HDAC9: variants seen among roughly 807,000 people sequenced by gnomAD.
HDAC9 encodes histone deacetylase 9, also known as MEF-2 interacting transcription repressor (MITR) protein.
A neutral mutation model predicts 139.4 loss-of-function variants in HDAC9; 41 were observed. That is an observed-to-expected ratio of 0.29 (90% CI 0.23 to 0.38). The LOEUF is 0.38. HDAC9 is among the 10% of genes least tolerant of loss of function. The pLI is 1.00. For synonymous variants in HDAC9, 517 were observed against 476.2 expected (o/e 1.09, Z -1.12); for missense variants, 1,147 against 1,297.0 (o/e 0.88, Z 1.78).
intron 15 of HDAC9, among the ~76,000 whole-genome samples, chr7:18,763,521 C>G (rs1789569081): frequency 6.6e-6 from 1 of 152,082 alleles, no homozygotes; most frequent in Non-Finnish European, 1.5e-5. Flanking sequence ...AATATGAATA[C>G]AAATAAATCA....
At chr7:18,268,029 C>T (rs1796109039) in intron 2 of HDAC9, among the ~76,000 whole-genome samples, 1 of 152,104 alleles carries the variant, frequency 6.6e-6, no homozygotes, top group South Asian at 2.1e-4. Context: ...TTAACACAAT[C>T]TTAATTGATG....
At chr7:18,686,307 C>T (rs1297484909) in intron 12 of HDAC9, among the ~76,000 whole-genome samples, 2 of 151,994 alleles carry the variant, frequency 1.3e-5, no homozygotes, top group African/African-American at 2.4e-5. Flanking sequence ...AATGTTCCAG[C>T]ACTTGTAGAA....
chr7:18,797,429 C>A (rs1280957305), intron 17 of HDAC9, among the ~76,000 whole-genome samples: 2 of 152,150 alleles, frequency 1.3e-5, no homozygotes, highest in African/African-American at 4.8e-5. Flanking sequence ...CCCACGAACT[C>A]CTCATCCAAT....
chr7:18,648,372 T>G, intron 10 of HDAC9, 94 bp from the exon 11 acceptor site: 2 of 1,073,194 alleles, frequency 1.9e-6, no homozygotes, highest in Non-Finnish European at 2.8e-6. Flanking sequence ...TCTGTTTTCT[T>G]TGGCTTCTTA....
At chr7:18,771,091 C>T (rs1181993788) in intron 16 of HDAC9, among the ~76,000 whole-genome samples, 1 of 152,042 alleles carries the variant, frequency 6.6e-6, no homozygotes, top group Non-Finnish European at 1.5e-5. Context: ...GGAGAACAAT[C>T]CCCTAAGAGG....
chr7:18,407,375 A>T (rs1161865257), intron 1 of HDAC9, among the ~76,000 whole-genome samples: 5 of 152,216 alleles, frequency 3.3e-5, no homozygotes, highest in African/African-American at 1.2e-4. Flanking sequence ...TTGCACATTA[A>T]AATCTTGTCT....
chr7:18,515,165 T>A (rs1313796751), intron 2 of HDAC9, among the ~76,000 whole-genome samples: 1 of 152,218 alleles, frequency 6.6e-6, no homozygotes, highest in Non-Finnish European at 1.5e-5. Context: ...TATGGTGATA[T>A]TTAAATGATG....
At chr7:18,248,891 A>G (rs1794736841) in intron 2 of HDAC9, among the ~76,000 whole-genome samples, 1 of 152,264 alleles carries the variant, frequency 6.6e-6, no homozygotes, top group Non-Finnish European at 1.5e-5. Context: ...CAAAAAATAT[A>G]TAAAGACAGT....
In HDAC9 at chr7:18,353,544, C is replaced by A. The variant is rs557373575; in HGVS notation, c.-42+63029C>A. ...ATGCCGATTCTTGCTGCTGAGTGAT[C>A]CTGAAGCTACTGTGGCAACCTTTTT... On this transcript the variant is annotated intron_variant, in intron 1 of 3. Coordinates refer to the HDAC9 transcript ENST00000413509. 6.6e-5 allele frequency among the ~76,000 whole-genome samples: 10 copies of A among 152,248 alleles called. No individual in the cohort carries two copies. In the East Asian group the frequency reaches 9.7e-4, roughly 15 times the overall value.
chr7:18,844,265 G>A (rs1585140158), intron 21 of HDAC9, among the ~76,000 whole-genome samples: 2 of 152,290 alleles, frequency 1.3e-5, no homozygotes, highest in Admixed American at 1.3e-4. Flanking sequence ...CTGTCGTAAA[G>A]CCATAGGGAG....
At chr7:18,993,119 T>G (rs1786127235) in intron 25 of HDAC9, among the ~76,000 whole-genome samples, 1 of 45,946 alleles carries the variant, frequency 2.2e-5, no homozygotes, top group Non-Finnish European at 4.9e-5. Context: ...AGAAATCATC[T>G]TTTTTAAAAA....
At chr7:18,542,758 G>GCT (rs2128624085) in intron 2 of HDAC9, among the ~76,000 whole-genome samples, 1 of 152,224 alleles carries the variant, frequency 6.6e-6, no homozygotes, top group East Asian at 1.9e-4. Flanking sequence ...CTTTCTGGAG[G>GCT]ATCAGTTACC....
intron 21 of HDAC9, among the ~76,000 whole-genome samples, chr7:18,840,133 G>T (rs539919653): frequency 6.6e-6 from 1 of 152,120 alleles, no homozygotes; most frequent in East Asian, 1.9e-4. Flanking sequence ...AGAAATATAA[G>T]CCCCTTCAAT....
At chr7:18,089,917 G>GT (rs34970204) in intron 1 of HDAC9, among the ~76,000 whole-genome samples, 8 of 139,790 alleles carry the variant, frequency 5.7e-5, no homozygotes, top group African/African-American at 7.4e-5. Flanking sequence ...TGCTTCATTG[G>GT]TTTTTTTTTG....
intron 12 of HDAC9, among the ~76,000 whole-genome samples, chr7:18,719,006 A>G (rs1217536792): frequency 1.3e-5 from 2 of 152,184 alleles, no homozygotes; most frequent in East Asian, 1.9e-4. Flanking sequence ...TTGATTTACA[A>G]ATCCCTGATA....
At chr7:18,493,563 A>G (rs1230256190), upstream of HDAC9, among the ~76,000 whole-genome samples, 1 of 151,870 alleles carries the variant, frequency 6.6e-6, no homozygotes, top group Admixed American at 6.6e-5. Flanking sequence ...AATTTCAATG[A>G]TTGTTTTTCT....
chr7:18,733,044 C>T (rs1786472791), intron 13 of HDAC9, among the ~76,000 whole-genome samples: 2 of 141,638 alleles, frequency 1.4e-5, no homozygotes, highest in African/African-American at 5.2e-5. Context: ...TACAGATATA[C>T]ATATATACAT....
intron 12 of HDAC9, 185 bp downstream of exon 12, chr7:18,666,661 A>G (rs1459099016): frequency 1.4e-6 from 2 of 1,402,390 alleles, no homozygotes; most frequent in African/African-American, 1.4e-5. Flanking sequence ...AGGTCTTTCT[A>G]TATACTGATC....
chr7:18,364,384 G>T lies in HDAC9; in HGVS notation c.-42+73869G>T, dbSNP rs1421894097. Among the ~76,000 whole-genome samples, 4 of 152,096 alleles carry T rather than the reference G, an allele frequency of 2.6e-5. No homozygotes were observed. In the East Asian group the frequency reaches 5.8e-4, roughly 22 times the overall value. ...AATGCTCAAAATAGTACTATTACTT[G>T]TATTAACATTAGAAATAAACATTTA... On this transcript the variant is annotated intron_variant, in intron 1 of 3. Transcript: ENST00000413509.
Sources: allele counts gnomAD v4.1 joint callset (sites outside exome capture counted in the v4.1 genomes callset), GRCh38; gene constraint gnomAD v4.1.1; transcripts MANE v1.5; gene names NCBI Gene and HGNC (gene_info 2026-07-23, HGNC 2026-07-21).